The following PHTF2 variants were observed in gnomAD, a reference collection of about 807,000 sequenced individuals.
PHTF2 encodes the protein protein PHTF2.
PHTF2 carries 60 observed loss-of-function variants against 101.2 expected under a neutral mutation model. That is an observed-to-expected ratio of 0.59 (90% CI 0.48 to 0.73). The LOEUF (loss-of-function observed/expected upper bound fraction) is 0.73. Among genes scored for constraint, PHTF2 ranks in the 30% least tolerant of loss-of-function variants. PHTF2 has a pLI of 0.00. For missense variants in PHTF2, 747 were observed against 908.7 expected (o/e 0.82, Z 2.29); for synonymous variants, 311 against 307.3 (o/e 1.01, Z -0.13).
chr7:77,947,041 G>T (rs761688763), intron 16 of PHTF2, among the ~76,000 whole-genome samples: 19 of 151,378 alleles, frequency 1.3e-4, no homozygotes, highest in African/African-American at 4.4e-4. Context: ...GATCACCCGA[G>T]CCTTGGGAGG....
intron 1 of PHTF2, among the ~76,000 whole-genome samples, chr7:77,803,780 AC>A (rs1299607806): frequency 6.6e-6 from 1 of 152,048 alleles, no homozygotes; most frequent in Admixed American, 6.6e-5. Flanking sequence ...AAAATGGCAA[AC>A]AAGCAAATAA....
Position 77,935,316 on chromosome 7 carries a change from G to A in PHTF2, c.1339-2394G>A, listed in dbSNP as rs972191935. ...CGGCTCACTTCAAGCTCTGCCTCCC[G>A]GGTTCACGCCATTCTCTTGCCTCAG... On this transcript the variant is annotated intron_variant, in intron 12 of 19. Transcript: ENST00000416283. 3.5e-5 allele frequency among the ~76,000 whole-genome samples: 5 copies of A among 143,604 alleles called. No homozygotes were observed. The East Asian group carries it at 8.6e-4, about 25-fold the overall frequency. 94.2% of individuals were successfully genotyped at this position (143,604 alleles called of 152,430 possible). A position where few individuals can be genotyped will look rare whatever the true frequency, so the allele number is the denominator to read the frequency against.
intron 2 of PHTF2, among the ~76,000 whole-genome samples, chr7:77,852,853 C>T (rs1323228986): frequency 6.6e-6 from 1 of 152,146 alleles, no homozygotes; most frequent in East Asian, 1.9e-4. Flanking sequence ...CCTGGATATA[C>T]TATTAAAGGA....
intron 3 of PHTF2, among the ~76,000 whole-genome samples, chr7:77,858,971 G>A (rs144926701): frequency 7.9e-5 from 12 of 152,250 alleles, no homozygotes; most frequent in East Asian, 1.9e-4. Context: ...CAAGGTGTCA[G>A]CAAGGATGGG....
At chr7:77,922,017 C>CTTTTTTTT (rs35763664) in intron 10 of PHTF2, among the ~76,000 whole-genome samples, 16 of 95,280 alleles carry the variant, frequency 1.7e-4, no homozygotes, top group African/African-American at 2.3e-4. Flanking sequence ...GTTTATATTC[C>CTTTTTTTT]TTTTTTTTTT....
chr7:77,833,488 G>A (rs922462417), intron 1 of PHTF2, among the ~76,000 whole-genome samples: 2 of 152,136 alleles, frequency 1.3e-5, no homozygotes, highest in Admixed American at 6.5e-5. Context: ...AGGGCCAAGC[G>A]CAGTGGCTCA....
chr7:77,940,736 T>G, intron 15 of PHTF2, 77 bp downstream of exon 14: 2 of 1,036,118 alleles, frequency 1.9e-6, no homozygotes, highest in South Asian at 3.8e-5. Context: ...CAATATATAT[T>G]TGTCTCTAGA....
At chr7:77,824,985 C>T (rs1245780065) in intron 1 of PHTF2, among the ~76,000 whole-genome samples, 1 of 152,118 alleles carries the variant, frequency 6.6e-6, no homozygotes, top group East Asian at 1.9e-4. Flanking sequence ...TTGAAGTGAG[C>T]CATGATTGTG....
chr7:77,894,905 A>G (rs1800753595), intron 5 of PHTF2, among the ~76,000 whole-genome samples: 1 of 152,186 alleles, frequency 6.6e-6, no homozygotes, highest in African/African-American at 2.4e-5. Context: ...GGATAGAGGA[A>G]GGAGACTAGT....
intron 1 of PHTF2, among the ~76,000 whole-genome samples, chr7:77,823,466 A>G (rs192119493): frequency 2.2e-4 from 34 of 151,924 alleles, no homozygotes; most frequent in Admixed American, 1.1e-3. Context: ...TGATCCACCC[A>G]TCTTGGCCTA....
At chr7:77,867,792 T>C (rs879405546) in intron 3 of PHTF2, among the ~76,000 whole-genome samples, 4 of 152,226 alleles carry the variant, frequency 2.6e-5, no homozygotes, top group Non-Finnish European at 5.9e-5. Context: ...GATTGGGTGA[T>C]AGACAGTGTA....
chr7:77,918,771 C>T (rs896402795), intron 9 of PHTF2, among the ~76,000 whole-genome samples: 2 of 152,170 alleles, frequency 1.3e-5, no homozygotes, highest in African/African-American at 4.8e-5. Context: ...TATCCTATGG[C>T]TTATTGTTCC....
intron 1 of PHTF2, among the ~76,000 whole-genome samples, chr7:77,799,281 C>T (rs964150930): frequency 1.3e-5 from 2 of 152,236 alleles, no homozygotes; most frequent in African/African-American, 4.8e-5. Context: ...GCCACCCGCC[C>T]CTCGGGCCCC....
chr7:77,887,979 TC>T (rs1800018598), intron 3 of PHTF2, among the ~76,000 whole-genome samples: 2 of 152,218 alleles, frequency 1.3e-5, no homozygotes, highest in South Asian at 4.1e-4. Context: ...TGTTTTTCCC[TC>T]CTTGAAACAG....
At chr7:77,907,823 A>C (rs918485669) in intron 7 of PHTF2, 1 of 152,224 alleles carries the variant, frequency 6.6e-6, no homozygotes, top group Non-Finnish European at 1.5e-5. Flanking sequence ...AAAATGACCA[A>C]AAATCTTATA....
chr7:77,933,694 A>AAAAGCAGGGACC (rs916822653), intron 12 of PHTF2, among the ~76,000 whole-genome samples: 1 of 151,406 alleles, frequency 6.6e-6, no homozygotes, highest in African/African-American at 2.4e-5. Flanking sequence ...TAAGCAGCAT[A>AAAAGCAGGGACC]AAAGCAGGGA....
rs1421985329 is a variant in PHTF2 at position 77,940,064 on chromosome 7, T to A, written c.1502T>A (p.Ile501Asn). Residue 501 changes from isoleucine (I) to asparagine (N), a missense_variant, in exon 14 of 20, where the codon ATT becomes AAT. By Grantham distance (149) the Ile-to-Asn change is moderately radical. Transcript: ENST00000416283. ...CATATACCAGGAATAGGATACCAGA[T>A]TTTTGGAAATGCAGTCTCTCTCATA... 4.3e-6 allele frequency: 7 copies of A among 1,612,880 alleles called. No individual in the cohort carries two copies. Among genetic ancestry groups the A allele is most frequent in the Non-Finnish European group, 5.9e-6 (7 of 1,179,090 alleles).
intron 1 of PHTF2, among the ~76,000 whole-genome samples, chr7:77,824,325 G>GT (rs1794542935): frequency 6.6e-6 from 1 of 151,392 alleles, no homozygotes. Context: ...ATGATCTTGT[G>GT]TTTTTTGCTT....
At chr7:77,902,719 A>T (rs6958451) in intron 7 of PHTF2, among the ~76,000 whole-genome samples, 3,978 of 146,928 alleles carry the variant, frequency 0.027, 178 homozygotes, top group African/African-American at 0.092. Context: ...ATATGTGATT[A>T]AAAAAAAAAA....
Sources: allele counts gnomAD v4.1 joint callset (sites outside exome capture counted in the v4.1 genomes callset), GRCh38; gene constraint gnomAD v4.1.1; transcripts MANE v1.5; gene names NCBI Gene and HGNC (gene_info 2026-07-23, HGNC 2026-07-21).